The following BANK1 variants were observed in gnomAD, a reference collection of about 807,000 sequenced individuals.
BANK1 encodes the protein B cell scaffold protein with ankyrin repeats 1, also known as B-cell scaffold protein with ankyrin repeats.
BANK1 carries 95 observed loss-of-function variants against 94.5 expected under a neutral mutation model. The observed-to-expected ratio is 1.00, with a 90% CI of 0.85 to 1.19. The LOEUF (loss-of-function observed/expected upper bound fraction) is 1.19, where lower values mean the gene tolerates loss of function less well. BANK1 is among the 50% of genes most tolerant of loss of function. The pLI, the probability that BANK1 is intolerant of heterozygous loss-of-function variation, is 0.00. For synonymous variants in BANK1, 334 were observed against 308.4 expected (o/e 1.08, Z -0.87); for missense variants, 987 against 932.2 (o/e 1.06, Z -0.77).
At chr4:101,983,485 G>A (rs1257489977) in intron 7 of BANK1, among the ~76,000 whole-genome samples, 1 of 152,044 alleles carries the variant, frequency 6.6e-6, no homozygotes, top group Non-Finnish European at 1.5e-5. Context: ...AAAACAAACT[G>A]TTGTGAGGAT....
intron 5 of BANK1, among the ~76,000 whole-genome samples, chr4:101,881,597 C>T (rs2148885693): frequency 6.6e-6 from 1 of 152,200 alleles, no homozygotes; most frequent in East Asian, 1.9e-4. Flanking sequence ...ATCAGTATAT[C>T]AAAGAGATAT....
chr4:101,912,807 A>G lies in BANK1; in HGVS notation c.1010-5186A>G, dbSNP rs1003550848. ...TTCTCCCCACTCCTTTTACTGCCCA[A>G]AAGATTTCCTAGATTTACTTCCTTG... On this transcript the variant is annotated intron_variant, in intron 6 of 16. Coordinates refer to ENST00000322953, the MANE Select transcript of BANK1 (RefSeq NM_017935.5). Among the ~76,000 whole-genome samples the G allele has an allele frequency of 7.8e-4, 119 of 152,096 alleles. 1 individual carries two copies. The highest frequency in any genetic ancestry group is 2.7e-3 in the African/African-American group (113 of 41,498).
chr4:101,798,413 A>G (rs1725234821), intron 1 of BANK1, among the ~76,000 whole-genome samples: 1 of 152,196 alleles, frequency 6.6e-6, no homozygotes, highest in Admixed American at 6.5e-5. Flanking sequence ...ATGAAAACTT[A>G]TAGAGAACAG....
intron 5 of BANK1, among the ~76,000 whole-genome samples, chr4:101,894,484 A>G (rs1412187022): frequency 6.6e-6 from 1 of 151,936 alleles, no homozygotes; most frequent in Non-Finnish European, 1.5e-5. Flanking sequence ...CAGTACAGTT[A>G]TTTAATTTGT....
chr4:102,063,365 C>T (rs1728487676), intron 13 of BANK1, among the ~76,000 whole-genome samples: 1 of 151,600 alleles, frequency 6.6e-6, no homozygotes, highest in African/African-American at 2.4e-5. Context: ...ATATAAAATA[C>T]TTATCATATT....
intron 7 of BANK1, among the ~76,000 whole-genome samples, chr4:101,990,295 T>C (rs1180843844): frequency 6.6e-6 from 1 of 152,218 alleles, no homozygotes; most frequent in African/African-American, 2.4e-5. Flanking sequence ...TTAGCATGAA[T>C]GACTTTATGA....
chr4:101,838,146 A>G (rs28648709), intron 2 of BANK1, among the ~76,000 whole-genome samples: 4,630 of 152,176 alleles, frequency 0.03, 245 homozygotes, highest in African/African-American at 0.11. Context: ...TTTAGTAGAC[A>G]CGGGGTTTCA....
At chr4:102,007,068 T>TTATATATATATAAATATATATATAATATA (rs1726290774) in intron 7 of BANK1, among the ~76,000 whole-genome samples, 4 of 99,008 alleles carry the variant, frequency 4.0e-5, no homozygotes, top group African/African-American at 1.4e-4. Flanking sequence ...ATATATAATT[T>TTATATATATATAAATATATATATAATATA]TATATATATA....
chr4:101,938,117 T>G (rs1723633085), intron 7 of BANK1, among the ~76,000 whole-genome samples: 1 of 151,692 alleles, frequency 6.6e-6, no homozygotes, highest in South Asian at 2.1e-4. Context: ...AGGGTTAGCA[T>G]TAGGAGGAAT....
intron 4 of BANK1, among the ~76,000 whole-genome samples, chr4:101,865,706 A>G (rs1728043437): frequency 6.6e-6 from 1 of 152,114 alleles, no homozygotes; most frequent in Non-Finnish European, 1.5e-5. Context: ...ACTTAATCAT[A>G]AGAATGTAGA....
chr4:102,066,348 C>T (rs1383311000), intron 13 of BANK1, among the ~76,000 whole-genome samples: 1 of 151,492 alleles, frequency 6.6e-6, no homozygotes, highest in African/African-American at 2.4e-5. Flanking sequence ...GCTCCGCCTC[C>T]TGGGATCACG....
rs1319615168 is a variant in BANK1, at chr4:101,958,584, A to G, written c.1206+40395A>G. ...AAGGACTACTTTTCTATTCAAAGAC[A>G]TACTTCATCATTTCCTTAAAACATT... is the stretch of plus-strand genomic sequence containing the variant. On this transcript the variant is annotated intron_variant, in intron 7 of 16. Coordinates refer to ENST00000322953, the MANE Select transcript of BANK1 (RefSeq NM_017935.5). Among the ~76,000 whole-genome samples the G allele has an allele frequency of 2.6e-5, 4 of 151,818 alleles. 1 individual carries two copies. The highest frequency in any genetic ancestry group is 2.0e-4 in the Admixed American group (3 of 15,214).
intron 3 of BANK1, among the ~76,000 whole-genome samples, chr4:101,860,681 T>C (rs1419651597): frequency 2.6e-5 from 4 of 152,152 alleles, no homozygotes; most frequent in Admixed American, 2.0e-4. Flanking sequence ...TCCACCTGCC[T>C]CGGCCGCCCA....
chr4:101,819,802 C>T (rs1332249332), intron 1 of BANK1, among the ~76,000 whole-genome samples: 12 of 152,044 alleles, frequency 7.9e-5, no homozygotes, highest in Admixed American at 3.3e-4. Flanking sequence ...AAGGGAACAT[C>T]AGAACACTCT....
intron 1 of BANK1, among the ~76,000 whole-genome samples, chr4:101,824,979 A>C (rs1007045342): frequency 2.6e-5 from 4 of 152,188 alleles, no homozygotes; most frequent in African/African-American, 9.6e-5. Context: ...AACATTTGTT[A>C]TAGTGTATTT....
At chr4:102,068,689 G>C (rs566637258) in intron 13 of BANK1, among the ~76,000 whole-genome samples, 1 of 151,976 alleles carries the variant, frequency 6.6e-6, no homozygotes, top group Admixed American at 6.6e-5. Context: ...TTAGCGAGGC[G>C]TGGTGGCATG....
chr4:102,071,227 T>C (rs764235202), intron 13 of BANK1, 48 bp from the exon 14 acceptor site: 1 of 1,586,540 alleles, frequency 6.3e-7, no homozygotes, highest in African/African-American at 1.3e-5. Flanking sequence ...GAATTTAAGA[T>C]AAATATTGAA....
intron 6 of BANK1, among the ~76,000 whole-genome samples, chr4:101,916,143 A>G (rs972123735): frequency 6.6e-6 from 1 of 152,090 alleles, no homozygotes; most frequent in Non-Finnish European, 1.5e-5. Flanking sequence ...CATCAAGCCC[A>G]GAAGAATATC....
chr4:102,023,180 A>T (rs539898726), intron 8 of BANK1, among the ~76,000 whole-genome samples: 1 of 152,190 alleles, frequency 6.6e-6, no homozygotes, highest in Non-Finnish European at 1.5e-5. Flanking sequence ...ATTGACCACA[A>T]GTTTTTCAAA....
Sources: gnomAD v4.1 joint callset for allele counts (sites outside exome capture counted in the v4.1 genomes callset) on GRCh38, gnomAD v4.1.1 for gene constraint, MANE v1.5 for transcripts, NCBI Gene and HGNC (gene_info 2026-07-23, HGNC 2026-07-21) for gene names.